TENM2: variants seen among roughly 807,000 people sequenced by gnomAD.
TENM2 encodes teneurin transmembrane protein 2, also known as teneurin-2.
TENM2 carries 52 observed loss-of-function variants against 245.2 expected under a neutral mutation model. The ratio of observed to expected loss-of-function variants is 0.21; its 90% CI spans 0.17 to 0.27. TENM2 has a LOEUF of 0.27. Among genes scored for constraint, TENM2 ranks in the 10% least tolerant of loss-of-function variants. The pLI, the probability that TENM2 is intolerant of heterozygous loss-of-function variation, is 1.00. For synonymous variants in TENM2, 1,363 were observed against 1,438.9 expected, an observed-to-expected ratio of 0.95 and a Z score of 1.19; for missense variants, 3,046 against 3,666.8, an observed-to-expected ratio of 0.83 and a Z score of 4.37.
chr5:167,666,405 G>A (rs1458069119), intron 2 of TENM2, among the ~76,000 whole-genome samples: 1 of 152,128 alleles, frequency 6.6e-6, no homozygotes, highest in East Asian at 1.9e-4. Flanking sequence ...TTTACCATAC[G>A]AGTAAACTTC....
chr5:168,168,861 A>G (rs1021117776), intron 13 of TENM2, among the ~76,000 whole-genome samples: 3 of 152,158 alleles, frequency 2.0e-5, no homozygotes, highest in Admixed American at 6.5e-5. Context: ...CCACTCATCC[A>G]TCCATCCATC....
rs373815090 is a variant in TENM2, at chr5:167,315,710, C to G, written c.226+30647C>G. On this transcript the variant is annotated intron_variant, in intron 1 of 28. Coordinates refer to ENST00000518659, the Ensembl canonical transcript of TENM2. Reference sequence around the variant, plus strand: ...TAGAGAATCCCTCCTATTCCTAAAACAAAGGTGAAGGAGAAACAGGGAAAG... The same window carrying G: ...TAGAGAATCCCTCCTATTCCTAAAAGAAAGGTGAAGGAGAAACAGGGAAAG... 2.0e-5 allele frequency among the ~76,000 whole-genome samples: 3 copies of G among 151,768 alleles called. No homozygotes were observed. In the South Asian group the frequency reaches 6.2e-4, roughly 32 times the overall value.
chr5:167,757,122 G>A (rs946850265), intron 2 of TENM2, among the ~76,000 whole-genome samples: 16 of 146,984 alleles, frequency 1.1e-4, no homozygotes, highest in African/African-American at 3.8e-4. Flanking sequence ...TTTAAGTTCT[G>A]GGGTGCATGT....
chr5:167,539,751 T>C (rs886142420), intron 2 of TENM2, among the ~76,000 whole-genome samples: 1 of 152,200 alleles, frequency 6.6e-6, no homozygotes, highest in Admixed American at 6.5e-5. Flanking sequence ...ATCCCTATTA[T>C]ATCAAACAAA....
intron 2 of TENM2, among the ~76,000 whole-genome samples, chr5:167,801,435 G>T (rs1765764363): frequency 6.6e-6 from 1 of 151,880 alleles, no homozygotes; most frequent in Admixed American, 6.6e-5. Flanking sequence ...AGTGGAGAAT[G>T]CCAACCCTCT....
At chr5:167,915,065 A>G (rs1247844073) in intron 3 of TENM2, among the ~76,000 whole-genome samples, 1 of 152,068 alleles carries the variant, frequency 6.6e-6, no homozygotes, top group Non-Finnish European at 1.5e-5. Flanking sequence ...TAACATATTC[A>G]CAGGTTCTGG....
chr5:167,751,180 GT>G (rs1761937940), intron 2 of TENM2, among the ~76,000 whole-genome samples: 1 of 152,146 alleles, frequency 6.6e-6, no homozygotes, highest in Non-Finnish European at 1.5e-5. Context: ...ACCTTACAAG[GT>G]TTCATGGATC....
chr5:167,539,987 G>T (rs187172193), intron 2 of TENM2, among the ~76,000 whole-genome samples: 6 of 152,272 alleles, frequency 3.9e-5, no homozygotes, highest in Admixed American at 2.0e-4. Context: ...GGGAGTTGTT[G>T]AGGCTTTGAG....
the TENM2 span, among the ~76,000 whole-genome samples, chr5:166,981,107 T>C: frequency 6.6e-6 from 1 of 152,208 alleles, no homozygotes; most frequent in Non-Finnish European, 1.5e-5. Context: ...AAAAACCTAC[T>C]CTAAGGCACC....
At chr5:167,688,926 C>T (rs1225066869) in intron 2 of TENM2, among the ~76,000 whole-genome samples, 1 of 152,104 alleles carries the variant, frequency 6.6e-6, no homozygotes, top group Non-Finnish European at 1.5e-5. Context: ...TAAGTTTACA[C>T]TAAATGCTGA....
In TENM2 at chr5:167,776,654, TA is replaced by T. The variant is rs1262903732; in HGVS notation, c.503-99331del. ...ATATATATGTATCTATATATATATA[TA>T]TATATATATTTTTCATTAACCTTAT... On this transcript the variant is annotated intron_variant, in intron 2 of 28. Coordinates refer to ENST00000518659, the Ensembl canonical transcript of TENM2. 2.5e-4 allele frequency among the ~76,000 whole-genome samples: 33 copies of T among 130,558 alleles called. 3 individuals are homozygous for T. The highest frequency in any genetic ancestry group is 5.6e-4 in the Admixed American group (7 of 12,472). 85.7% of individuals were successfully genotyped at this position (130,558 alleles called of 152,430 possible). A position where few individuals can be genotyped will look rare whatever the true frequency, so the allele number is the denominator to read the frequency against.
chr5:167,679,171 C>T (rs1256085576), intron 2 of TENM2, among the ~76,000 whole-genome samples: 1 of 152,104 alleles, frequency 6.6e-6, no homozygotes, highest in African/African-American at 2.4e-5. Context: ...GACTTTCTGA[C>T]TTCTCTATAA....
chr5:167,276,380 G>A, the TENM2 span, among the ~76,000 whole-genome samples: 1 of 150,836 alleles, frequency 6.6e-6, no homozygotes, highest in Non-Finnish European at 1.5e-5. Flanking sequence ...GTGTGTGTGT[G>A]TGTGTGTGTG....
At chr5:167,425,314 G>T (rs1350465782) in intron 2 of TENM2, among the ~76,000 whole-genome samples, 1 of 152,160 alleles carries the variant, frequency 6.6e-6, no homozygotes, top group Non-Finnish European at 1.5e-5. Context: ...GAGCATGCTG[G>T]TAAGAGCTTG....
At chr5:167,951,996 G>A (rs1780147132) in intron 3 of TENM2, among the ~76,000 whole-genome samples, 1 of 152,102 alleles carries the variant, frequency 6.6e-6, no homozygotes, top group African/African-American at 2.4e-5. Flanking sequence ...AGAAATTACG[G>A]CTGCCTTGAG....
At chr5:167,421,259 G>C (rs536886569) in intron 2 of TENM2, among the ~76,000 whole-genome samples, 8 of 152,282 alleles carry the variant, frequency 5.3e-5, no homozygotes, top group African/African-American at 1.9e-4. Flanking sequence ...TCTGACAATA[G>C]CAATAAAGGT....
the TENM2 span, among the ~76,000 whole-genome samples, chr5:167,264,589 C>A: frequency 1.3e-5 from 2 of 152,178 alleles, no homozygotes; most frequent in Non-Finnish European, 2.9e-5. Context: ...CAAGCCCTCA[C>A]TGGGGTATTG....
chr5:167,333,376 T>C (rs146514836), intron 1 of TENM2, among the ~76,000 whole-genome samples: 167 of 152,346 alleles, frequency 1.1e-3, no homozygotes, highest in African/African-American at 3.8e-3. Flanking sequence ...CGTAAGATTA[T>C]TTAATGAGAT....
chr5:167,870,874 G>A (rs922170313), intron 2 of TENM2, among the ~76,000 whole-genome samples: 13 of 151,952 alleles, frequency 8.6e-5, no homozygotes, highest in African/African-American at 3.1e-4. Flanking sequence ...TGCCTACACA[G>A]AACATTCTAA....
Sources: gnomAD v4.1 joint callset for allele counts (sites outside exome capture counted in the v4.1 genomes callset) on GRCh38, gnomAD v4.1.1 for gene constraint, MANE v1.5 for transcripts, NCBI Gene and HGNC (gene_info 2026-07-23, HGNC 2026-07-21) for gene names.